The following PARD3B variants were observed in gnomAD, a reference collection of about 807,000 sequenced individuals.
PARD3B encodes the protein partitioning defective 3 homolog B.
A neutral mutation model predicts 130.2 loss-of-function variants in PARD3B; 103 were observed. The ratio of observed to expected loss-of-function variants is 0.79; its 90% CI spans 0.67 to 0.93. The LOEUF is 0.93. PARD3B is among the 40% of genes least tolerant of loss of function. The probability of loss-of-function intolerance (pLI) is 0.00; values close to 1 mark genes in which losing one functional copy is unlikely to be tolerated. For synonymous variants in PARD3B, 583 were observed against 553.2 expected (o/e 1.05, Z -0.76); for missense variants, 1,609 against 1,499.2 (o/e 1.07, Z -1.21).
At chr2:205,330,679 A>G (rs896589704) in intron 18 of PARD3B, among the ~76,000 whole-genome samples, 1 of 152,226 alleles carries the variant, frequency 6.6e-6, no homozygotes, top group Non-Finnish European at 1.5e-5. Flanking sequence ...CAGACAATCA[A>G]TCAAGATTTT....
chr2:205,452,988 A>T (rs1435803349), intron 20 of PARD3B, among the ~76,000 whole-genome samples: 3 of 152,220 alleles, frequency 2.0e-5, no homozygotes, highest in African/African-American at 7.2e-5. Context: ...AAATGACCTG[A>T]TCCTTAGGAT....
In PARD3B at chr2:205,187,021, G is replaced by A. The variant is rs569561018; in HGVS notation, c.2024+1158G>A. 1.3e-5 allele frequency among the ~76,000 whole-genome samples: 2 copies of A among 152,108 alleles called. No homozygotes were observed. Among genetic ancestry groups the A allele is most frequent in the African/African-American group, 2.4e-5 (1 of 41,408 alleles). On this transcript the variant is annotated intron_variant, in intron 14 of 22. Transcript: ENST00000406610. This position sits in a 1 kb window ranked among gnomAD's most constrained non-coding sequence, Gnocchi z 4.9. Reference sequence around the variant, plus strand: ...TATAAACCCTGTCTTCAGGAAGCTGGTAGGCTGACAGGTAGGCTCATGGGA... The same window carrying A: ...TATAAACCCTGTCTTCAGGAAGCTGATAGGCTGACAGGTAGGCTCATGGGA...
intron 2 of PARD3B, among the ~76,000 whole-genome samples, chr2:204,910,743 G>C (rs1353956944): frequency 6.6e-6 from 1 of 152,140 alleles, no homozygotes; most frequent in Non-Finnish European, 1.5e-5. Flanking sequence ...CCGGGTTCAC[G>C]CCATTCTCCT....
rs1414850991 is a variant in PARD3B, at chr2:205,590,570, G to C, written c.3261-24886G>C. ...ACATGCCCCTCTGGAGTCCAGAGTG[G>C]AGTCATTCCACCTGAACCACATGGA... On this transcript the variant is annotated intron_variant, in intron 22 of 22. Coordinates refer to ENST00000406610, the MANE Select transcript of PARD3B (RefSeq NM_001302769.2). This position sits in a 1 kb window ranked among gnomAD's most constrained non-coding sequence, Gnocchi z 4.1. 6.6e-6 allele frequency among the ~76,000 whole-genome samples: 1 copy of C among 152,182 alleles called. No homozygotes were observed. The highest frequency in any genetic ancestry group is 1.5e-5 in the Non-Finnish European group (1 of 68,038).
intron 2 of PARD3B, among the ~76,000 whole-genome samples, chr2:204,790,980 C>T (rs984965683): frequency 6.6e-6 from 1 of 152,090 alleles, no homozygotes; most frequent in African/African-American, 2.4e-5. Flanking sequence ...TGGTGCATGC[C>T]TGTAATTCCA....
chr2:205,544,591 T>A (rs1053189354), intron 21 of PARD3B, among the ~76,000 whole-genome samples: 1 of 152,212 alleles, frequency 6.6e-6, no homozygotes, highest in African/African-American at 2.4e-5. Flanking sequence ...TGATTTTATT[T>A]TCTGCTAAGA....
chr2:205,539,979 C>T (rs1559194833), intron 21 of PARD3B, among the ~76,000 whole-genome samples: 2 of 152,166 alleles, frequency 1.3e-5, no homozygotes, highest in African/African-American at 4.8e-5. Flanking sequence ...CTCCTAATAT[C>T]CAAACTTTCC....
intron 2 of PARD3B, among the ~76,000 whole-genome samples, chr2:204,806,531 AC>A (rs2042775055): frequency 6.6e-6 from 1 of 152,178 alleles, no homozygotes; most frequent in Admixed American, 6.5e-5. Context: ...AAGCTATGAA[AC>A]TATTTGAGAC....
At chr2:205,517,339 C>T (rs1484008712) in intron 21 of PARD3B, among the ~76,000 whole-genome samples, 1 of 152,038 alleles carries the variant, frequency 6.6e-6, no homozygotes, top group African/African-American at 2.4e-5. Context: ...CTACCCATCT[C>T]TTCTAGGTTT....
chr2:204,706,932 A>G (rs1365350761), intron 2 of PARD3B, among the ~76,000 whole-genome samples: 3 of 152,216 alleles, frequency 2.0e-5, no homozygotes, highest in Non-Finnish European at 4.4e-5. Flanking sequence ...GTACAAAAAG[A>G]TAAGAAAACA....
At chr2:205,540,389 T>A (rs993678686) in intron 21 of PARD3B, among the ~76,000 whole-genome samples, 13 of 152,202 alleles carry the variant, frequency 8.5e-5, no homozygotes, top group Non-Finnish European at 1.6e-4. Flanking sequence ...TGGTTTTCTT[T>A]TTTAAAAAAT....
intron 3 of PARD3B, among the ~76,000 whole-genome samples, chr2:205,013,133 A>G (rs1258684724): frequency 6.6e-6 from 1 of 152,214 alleles, no homozygotes; most frequent in African/African-American, 2.4e-5. Flanking sequence ...ACATGAGTTT[A>G]GAACCAAAGG....
intron 2 of PARD3B, among the ~76,000 whole-genome samples, chr2:204,848,493 T>A (rs2044560111): frequency 6.6e-6 from 1 of 151,886 alleles, no homozygotes; most frequent in Admixed American, 6.6e-5. Context: ...TAAAAAAAAA[T>A]AGTTAGCTGG....
chr2:204,807,656 A>C (rs2042820766), intron 2 of PARD3B, among the ~76,000 whole-genome samples: 1 of 152,188 alleles, frequency 6.6e-6, no homozygotes, highest in African/African-American at 2.4e-5. Flanking sequence ...TTATTCAGCC[A>C]TAAAAAAGAA....
At position 205,619,657 on chromosome 2, in the gene PARD3B, A is replaced by AG. The variant is rs1465119854; in HGVS notation, c.*3847dup. The stretch of plus-strand genomic sequence containing the variant: ...CAAAGTCACCTTTCTGATAAAAAGG[A>AG]GGGAAAAAAAAGTTAGATATCTAAA... On this transcript the variant is annotated 3_prime_UTR_variant, in exon 23 of 23. Transcript: ENST00000406610. 1 of 152,176 alleles carries AG rather than the reference A, an allele frequency of 6.6e-6. No individual in the cohort carries two copies. Among genetic ancestry groups the AG allele is most frequent in the African/African-American group, 2.4e-5 (1 of 41,438 alleles). The allele number at this position is 152,176 out of a possible 1,614,324, so 9.4% of individuals were successfully genotyped here. A position where few individuals can be genotyped will look rare whatever the true frequency, so the allele number is the denominator to read the frequency against.
intron 21 of PARD3B, among the ~76,000 whole-genome samples, chr2:205,511,877 A>C (rs1380321503): frequency 6.6e-6 from 1 of 152,230 alleles, no homozygotes; most frequent in African/African-American, 2.4e-5. Context: ...ATAACCAACC[A>C]ATCAGGTCAC....
rs73984230 is a variant in PARD3B at position 204,562,832 on chromosome 2, T to A, written c.120+16713T>A. On this transcript the variant is annotated intron_variant, in intron 1 of 22. Coordinates refer to ENST00000406610, the MANE Select transcript of PARD3B (RefSeq NM_001302769.2). ...GTTCAAATATTTCTAATAAAAAAAATTTTTTTTTTTCGTTGCTGTAACTAG... is the reference window on the plus strand; with the variant it reads ...GTTCAAATATTTCTAATAAAAAAAAATTTTTTTTTTCGTTGCTGTAACTAG... Among the ~76,000 whole-genome samples, 152 of 127,526 alleles carry A rather than the reference T, an allele frequency of 1.2e-3. 1 individual carries two copies. The highest frequency in any genetic ancestry group is 2.9e-3 in the East Asian group (13 of 4,488). The allele number at this position is 127,526 out of a possible 152,430, so 83.7% of individuals were successfully genotyped here.
intron 2 of PARD3B, among the ~76,000 whole-genome samples, chr2:204,747,036 A>T (rs959298961): frequency 2.6e-5 from 4 of 152,002 alleles, no homozygotes; most frequent in African/African-American, 9.7e-5. Flanking sequence ...GGTGTTTTAG[A>T]CATGAAGTCC....
At chr2:204,619,231 C>T (rs1310604273) in intron 1 of PARD3B, among the ~76,000 whole-genome samples, 2 of 152,122 alleles carry the variant, frequency 1.3e-5, no homozygotes, top group Non-Finnish European at 2.9e-5. Flanking sequence ...AAATGTGTGC[C>T]ATCCAGCAGC....
Sources: gnomAD v4.1 joint callset for allele counts (sites outside exome capture counted in the v4.1 genomes callset) on GRCh38, gnomAD v4.1.1 for gene constraint, Gnocchi (gnomAD v3.1) non-coding constraint, MANE v1.5 for transcripts, NCBI Gene and HGNC (gene_info 2026-07-23, HGNC 2026-07-21) for gene names.